TTC6: variants seen among roughly 807,000 people sequenced by gnomAD.
TTC6 encodes the protein tetratricopeptide repeat domain 6.
Under a neutral mutation model 210.4 loss-of-function variants are expected in TTC6, and 172 were observed. That is an observed-to-expected ratio of 0.82 (90% confidence interval 0.72 to 0.93). The LOEUF is 0.93. TTC6 is among the 40% of genes least tolerant of loss of function. The pLI is 0.00. For missense variants in TTC6, 2,414 were observed against 2,318.1 expected, an observed-to-expected ratio of 1.04 and a Z score of -0.85; for synonymous variants, 804 against 819.6, an observed-to-expected ratio of 0.98 and a Z score of 0.32.
At chr14:37,603,797 C>T (rs1364626370) in intron 1 of TTC6, among the ~76,000 whole-genome samples, 13 of 152,168 alleles carry the variant, frequency 8.5e-5, no homozygotes, top group Admixed American at 7.2e-4. Context: ...CCATTGGGGG[C>T]GTATTCCATG....
At chr14:37,802,770 G>A (rs2096109906) in intron 20 of TTC6, among the ~76,000 whole-genome samples, 1 of 148,002 alleles carries the variant, frequency 6.8e-6, no homozygotes, top group African/African-American at 2.5e-5. Flanking sequence ...GTCTTGCTCA[G>A]TCACCCAGCT....
At chr14:37,644,967 G>T (rs1414563378) in intron 1 of TTC6, among the ~76,000 whole-genome samples, 1 of 152,116 alleles carries the variant, frequency 6.6e-6, no homozygotes, top group Non-Finnish European at 1.5e-5. Context: ...AATACTGTGA[G>T]AATAAAATGT....
At chr14:37,772,838 A>G (rs1157920815) in intron 14 of TTC6, among the ~76,000 whole-genome samples, 2 of 151,780 alleles carry the variant, frequency 1.3e-5, no homozygotes, top group African/African-American at 2.4e-5. Flanking sequence ...CCTCCAAACT[A>G]CTTTCCACAA....
chr14:37,622,454 C>T (rs2095652939), exon 1 of TTC6: 24 of 1,535,098 alleles, frequency 1.6e-5, no homozygotes, highest in Non-Finnish European at 2.1e-5. Flanking sequence ...TCCTACGGCA[C>T]CAGGCCCTGA....
At chr14:37,680,773 C>T (rs1015288581) in intron 2 of TTC6, among the ~76,000 whole-genome samples, 1 of 152,078 alleles carries the variant, frequency 6.6e-6, no homozygotes, top group African/African-American at 2.4e-5. Context: ...AAAGTATCTC[C>T]TTGTGTATAG....
intron 14 of TTC6, among the ~76,000 whole-genome samples, chr14:37,786,556 C>T (rs564280964): frequency 1.4e-4 from 21 of 152,300 alleles, no homozygotes; most frequent in East Asian, 3.9e-4. Context: ...AGGGAATTCC[C>T]GGACCCCTTG....
intron 8 of TTC6, among the ~76,000 whole-genome samples, chr14:37,737,063 G>A (rs1885715): frequency 0.63 from 94,824 of 151,486 alleles, 30,804 homozygotes; most frequent in East Asian, 0.89. Context: ...TGGTCTAGAT[G>A]TTTCTTTATT....
At chr14:37,601,636 G>A (rs928733500) in intron 1 of TTC6, among the ~76,000 whole-genome samples, 3 of 152,164 alleles carry the variant, frequency 2.0e-5, no homozygotes, top group Admixed American at 6.5e-5. Flanking sequence ...AGCGAACAGG[G>A]TCTCAGACAC....
chr14:37,671,850 T>A (rs181671305), intron 1 of TTC6, among the ~76,000 whole-genome samples: 116 of 152,180 alleles, frequency 7.6e-4, no homozygotes, highest in Middle Eastern at 6.8e-3. Flanking sequence ...TGAATTCTTA[T>A]GAGATCTGAT....
At chr14:37,689,883 A>G (rs28753163) in intron 3 of TTC6, among the ~76,000 whole-genome samples, 1 of 152,152 alleles carries the variant, frequency 6.6e-6, no homozygotes, top group Admixed American at 6.5e-5. Context: ...TGAAGGTACA[A>G]ATCTCACTGG....
At chr14:37,689,427 TC>T (rs2095799657) in intron 3 of TTC6, among the ~76,000 whole-genome samples, 1 of 151,832 alleles carries the variant, frequency 6.6e-6, no homozygotes, top group Admixed American at 6.6e-5. Flanking sequence ...GCAGAGAACT[TC>T]CCCAACCTGA....
Position 37,758,273 on chromosome 14 carries a change from A to C in TTC6, c.3266+5038A>C, listed in dbSNP as rs147928761. On this transcript the variant is annotated intron_variant, in intron 14 of 30. Coordinates refer to ENST00000553443, the Ensembl canonical transcript of TTC6. ...TCTTGTTGATATGTCCAATATTGAC[A>C]ATGGAATGATAAAGTCTCCCATTAT... is the stretch of plus-strand genomic sequence containing the variant. 1.4e-3 allele frequency among the ~76,000 whole-genome samples: 209 copies of C among 152,344 alleles called. 4 individuals carry two copies. The highest frequency in any genetic ancestry group is 4.7e-3 in the African/African-American group (196 of 41,568).
chr14:37,628,935 C>A (rs1433474636), intron 1 of TTC6, among the ~76,000 whole-genome samples: 1 of 152,142 alleles, frequency 6.6e-6, no homozygotes, highest in African/African-American at 2.4e-5. Context: ...GGTGTTATTT[C>A]TGAGGCCTCT....
intron 6 of TTC6, among the ~76,000 whole-genome samples, chr14:37,720,779 T>A (rs76722173): frequency 0.013 from 2,008 of 152,186 alleles, 43 homozygotes; most frequent in African/African-American, 0.046. Context: ...TTCCTCGAAA[T>A]GACAAAATTA....
At chr14:37,739,259 C>T (rs1357843098) in intron 10 of TTC6, 104 bp downstream of exon 12, 2 of 1,149,340 alleles carry the variant, frequency 1.7e-6, no homozygotes, top group East Asian at 2.7e-5. Flanking sequence ...CTGCACTGAA[C>T]ATATGAACCT....
intron 6 of TTC6, 88 bp from the exon 9 acceptor site, chr14:37,724,810 A>G: frequency 1.4e-6 from 1 of 717,306 alleles, no homozygotes; most frequent in Non-Finnish European, 2.0e-6. Context: ...ATTCTCAGCA[A>G]CTAAAAATAA....
intron 16 of TTC6, 23 bp downstream of exon 18, chr14:37,790,860 A>G (rs1273625942): frequency 2.6e-6 from 4 of 1,510,794 alleles, no homozygotes; most frequent in Non-Finnish European, 3.5e-6. Context: ...TTTCATATTT[A>G]TTGATTTCAG....
intron 1 of TTC6, among the ~76,000 whole-genome samples, chr14:37,674,128 T>G (rs773411832): frequency 1.3e-5 from 2 of 152,124 alleles, no homozygotes; most frequent in Non-Finnish European, 2.9e-5. Flanking sequence ...TCATTTTTTT[T>G]TTGTTTGTTT....
chr14:37,824,477 C>G (rs1356565394), intron 27 of TTC6, among the ~76,000 whole-genome samples: 1 of 152,152 alleles, frequency 6.6e-6, no homozygotes. Context: ...GTGTTAAGAT[C>G]ATCATCATTC....
Sources: gnomAD v4.1 joint callset for allele counts (sites outside exome capture counted in the v4.1 genomes callset) on GRCh38, gnomAD v4.1.1 for gene constraint, MANE v1.5 for transcripts, NCBI Gene and HGNC (gene_info 2026-07-23, HGNC 2026-07-21) for gene names.